The following NEK9 variants were observed in gnomAD, a reference collection of about 807,000 sequenced individuals.
The protein encoded by NEK9 is NIMA related kinase 9.
In NEK9, 75 loss-of-function variants were observed where a neutral mutation model predicts 123.4. The observed-to-expected ratio is 0.61, with a 90% CI of 0.50 to 0.74. The LOEUF is 0.74. Ranked by LOEUF, NEK9 falls within the 30% of genes least tolerant of loss-of-function variation. NEK9 has a pLI of 0.00. For synonymous variants in NEK9, 438 were observed against 458.7 expected (o/e 0.95, Z 0.58); for missense variants, 952 against 1,214.4 (o/e 0.78, Z 3.21).
rs1285891171 is a variant in NEK9 at position 75,080,848 on chromosome 14, G to A, written c.*3716C>T. The A allele has an allele frequency of 6.6e-6, 1 of 151,874 alleles. No homozygotes were observed. The highest frequency in any genetic ancestry group is 1.5e-5 in the Non-Finnish European group (1 of 68,072). The allele number at this position is 151,874 out of a possible 1,614,324, so 9.4% of individuals were successfully genotyped here. ...GTAGAGATGGGGTTTCACTGTGTTA[G>A]CCAGGATGGTCTTGAACTCCTGACC... On this transcript the variant is annotated 3_prime_UTR_variant, in exon 22 of 22. Transcript: ENST00000238616.
intron 19 of NEK9, 138 bp downstream of exon 19, chr14:75,091,132 G>C (rs2139723709): frequency 1.6e-6 from 1 of 621,422 alleles, no homozygotes; most frequent in South Asian, 3.3e-5. Flanking sequence ...TTTCTTTCCA[G>C]GTAGAAATCA....
chr14:75,114,270 G>A lies in NEK9; in HGVS notation c.806C>T (p.Ala269Val), dbSNP rs1274020800. The stretch of plus-strand genomic sequence containing the variant: ...GTACTGGCTAGAGTCAACTTCCATG[G>A]CCCGAATTCCTTGCACGATCTTCAC... ...LCVKIVQGIRAMEVDSSQYSL... is the reference protein window; with the variant it reads ...LCVKIVQGIRVMEVDSSQYSL... The change falls in exon 7 of 22, where the codon GCC becomes GTC. Residue 269 changes from alanine to valine, a missense_variant. By Grantham distance (64) the Ala-to-Val change is moderately conservative. Coordinates refer to ENST00000238616, the MANE Select transcript of NEK9 (RefSeq NM_033116.6). 1 of 1,614,038 alleles carries A rather than the reference G, an allele frequency of 6.2e-7. No homozygotes were observed. Among genetic ancestry groups the A allele is most frequent in the Non-Finnish European group, 8.5e-7 (1 of 1,179,976 alleles).
At chr14:75,107,912 T>C (rs1264259563) in intron 10 of NEK9, among the ~76,000 whole-genome samples, 2 of 152,324 alleles carry the variant, frequency 1.3e-5, no homozygotes, top group Admixed American at 1.3e-4. Flanking sequence ...AGGTAAACTA[T>C]ATATTTAATT....
intron 13 of NEK9, 143 bp downstream of exon 13, chr14:75,105,807 G>C (rs1303220787): frequency 1.5e-6 from 1 of 653,532 alleles, no homozygotes; most frequent in Non-Finnish European, 2.7e-6. Context: ...TGCTAAATCA[G>C]GAATCCTAAA....
Position 75,114,268 on chromosome 14 carries a change from T to C in NEK9, c.808A>G (p.Met270Val), listed in dbSNP as rs1594846673. 1.1e-5 allele frequency: 18 copies of C among 1,614,116 alleles called. No individual in the cohort carries two copies. Among genetic ancestry groups the C allele is most frequent in the Non-Finnish European group, 1.4e-5 (16 of 1,180,010 alleles). Residue 270 changes from methionine to valine, a missense_variant, in exon 7 of 22, where the codon ATG (methionine) becomes GTG (valine). Met to Val is a conservative substitution (Grantham distance 21, BLOSUM62 1). Coordinates refer to ENST00000238616, the MANE Select transcript of NEK9 (RefSeq NM_033116.6). ...CVKIVQGIRA[M>V]EVDSSQYSLE... The stretch of plus-strand genomic sequence containing the variant: ...GAGTACTGGCTAGAGTCAACTTCCA[T>C]GGCCCGAATTCCTTGCACGATCTTC...
At chr14:75,096,851 T>C in intron 17 of NEK9, 7 of 338,364 alleles carry the variant, frequency 2.1e-5, no homozygotes, top group Non-Finnish European at 3.7e-5. Flanking sequence ...ACCAAAAAAA[T>C]CAATTCTAAG....
Position 75,101,145 on chromosome 14 carries a change from G to T in NEK9, c.1849C>A (p.Arg617=). 6.2e-7 allele frequency: 1 copy of T among 1,613,890 alleles called. No individual in the cohort carries two copies. The highest frequency in any genetic ancestry group is 8.5e-7 in the Non-Finnish European group (1 of 1,179,900). ...THTAAIDERG[R]LLTFGCNKCG... The stretch of plus-strand genomic sequence containing the variant: ...TTGTTGCAGCCAAAGGTCAGCAGCC[G>T]GCCTCGCTCTGAGAGAGAAGCAAAA... The change falls in exon 16 of 22, where the codon CGG becomes AGG. Residue 617 remains arginine, a synonymous_variant. Transcript: ENST00000238616.
rs1469768355 is a variant in NEK9, at chr14:75,126,865, C to T, written c.57G>A (p.Gly19=). ...RHCDSINSDF[G]SESGGCGDSS... is the part of the protein sequence containing the mutation. ...AGTCCCCGCAACCCCCGGACTCGCT[C>T]CCAAAGTCCGAGTTGATGGAATCGC... Residue 19 remains glycine (G), a synonymous_variant, in exon 1 of 22, where the codon GGG becomes GGA. Transcript: ENST00000238616. 5.9e-6 allele frequency: 9 copies of T among 1,528,784 alleles called. No homozygotes were observed. The highest frequency in any genetic ancestry group is 7.9e-6 in the Non-Finnish European group (9 of 1,138,042). 94.7% of individuals were successfully genotyped at this position (1,528,784 alleles called of 1,614,324 possible).
chr14:75,101,632 G>A (rs369142670), intron 15 of NEK9, 25 bp downstream of exon 15: 32 of 1,505,074 alleles, frequency 2.1e-5, no homozygotes, highest in Middle Eastern at 1.7e-4. Flanking sequence ...ACTAAGGCAT[G>A]TGATACAGTT....
At chr14:75,103,355 T>C (rs1894655147) in intron 14 of NEK9, among the ~76,000 whole-genome samples, 1 of 152,104 alleles carries the variant, frequency 6.6e-6, no homozygotes, top group Admixed American at 6.6e-5. Flanking sequence ...AGGTGATGCA[T>C]GGAAATATGT....
chr14:75,103,944 C>G lies in NEK9; in HGVS notation c.1629G>C (p.Gly543=). ...IIVAVQCGCD[G]TFLLTQSGKV... ...TGCCTGACTGGGTCAACAGAAATGT[C>G]CCATCACAGCCACATTGAACTGCAA... Residue 543 remains glycine (G), a synonymous_variant, in exon 14 of 22, where the codon GGG becomes GGC. Coordinates refer to ENST00000238616, the MANE Select transcript of NEK9 (RefSeq NM_033116.6). 6.2e-7 allele frequency: 1 copy of G among 1,614,098 alleles called. No homozygotes were observed. Among genetic ancestry groups the G allele is most frequent in the Middle Eastern group, 1.6e-4 (1 of 6,062 alleles).
rs1033196305 is a variant in NEK9, at chr14:75,080,547, A to G, written c.*4017T>C. 1.3e-5 allele frequency: 2 copies of G among 152,198 alleles called. No individual in the cohort carries two copies. The highest frequency in any genetic ancestry group is 4.8e-5 in the African/African-American group (2 of 41,458). 9.4% of individuals were successfully genotyped at this position (152,198 alleles called of 1,614,324 possible). On this transcript the variant is annotated 3_prime_UTR_variant, in exon 22 of 22. Transcript: ENST00000238616. ...AGTGCAAGTAAACATTATAAAGTTC[A>G]TAAGGTTACACCATAGGAGAAATTT... is the stretch of plus-strand genomic sequence containing the variant.
chr14:75,119,404 A>T (rs772297084), intron 4 of NEK9, among the ~76,000 whole-genome samples: 4 of 152,238 alleles, frequency 2.6e-5, no homozygotes, highest in Non-Finnish European at 5.9e-5. Context: ...CATCACTTTC[A>T]CATGCTATTT....
intron 14 of NEK9, among the ~76,000 whole-genome samples, chr14:75,102,208 T>G (rs1894606456): frequency 6.6e-6 from 1 of 152,228 alleles, no homozygotes. Flanking sequence ...TTTCTCAACT[T>G]AATTAAAACT....
chr14:75,126,637 C>A, intron 1 of NEK9, 66 bp downstream of exon 1: 1 of 1,263,208 alleles, frequency 7.9e-7, no homozygotes, highest in South Asian at 1.8e-5. Context: ...AAAGCGGGGC[C>A]GAGAAGGAGG....
chr14:75,123,456 GAAGTT>G (rs920956287), intron 2 of NEK9, among the ~76,000 whole-genome samples: 2 of 152,012 alleles, frequency 1.3e-5, no homozygotes, highest in Non-Finnish European at 2.9e-5. Context: ...GAGGCACAGA[GAAGTT>G]AAGTTTCTTG....
intron 18 of NEK9, among the ~76,000 whole-genome samples, chr14:75,095,099 A>G (rs184215188): frequency 2.2e-3 from 330 of 152,354 alleles, no homozygotes; most frequent in Non-Finnish European, 3.1e-3. Context: ...AAGGAAAGGA[A>G]TAATACATAA....
rs952221416 is a variant in NEK9 at position 75,084,515 on chromosome 14, T to C, written c.*49A>G. 1 of 1,609,788 alleles carries C rather than the reference T, an allele frequency of 6.2e-7. No homozygotes were observed. Among genetic ancestry groups the C allele is most frequent in the Non-Finnish European group, 8.5e-7 (1 of 1,177,402 alleles). ...CTCTCTGCATTCGGTAAGTGTGCTG[T>C]GAAGTTCTTTGGGTCCCAGTCTCCT... is the stretch of plus-strand genomic sequence containing the variant. On this transcript the variant is annotated 3_prime_UTR_variant, in exon 22 of 22. Coordinates refer to ENST00000238616, the MANE Select transcript of NEK9 (RefSeq NM_033116.6).
At chr14:75,115,068 T>G (rs1199805475) in intron 6 of NEK9, among the ~76,000 whole-genome samples, 8 of 98,110 alleles carry the variant, frequency 8.2e-5, no homozygotes, top group African/African-American at 2.5e-4. Context: ...CACACGTGTG[T>G]GCACATATAT....
Sources: allele counts gnomAD v4.1 joint callset (sites outside exome capture counted in the v4.1 genomes callset), GRCh38; gene constraint gnomAD v4.1.1; transcripts MANE v1.5; gene names NCBI Gene and HGNC (gene_info 2026-07-23, HGNC 2026-07-21).